Variants in FRMD4A observed in about 807,000 individuals in gnomAD.
FRMD4A encodes the protein FERM domain-containing protein 4A.
FRMD4A carries 29 observed loss-of-function variants against 129.1 expected under a neutral mutation model. The ratio of observed to expected loss-of-function variants is 0.22; its 90% CI spans 0.17 to 0.31. The LOEUF is 0.31. Ranked by LOEUF, FRMD4A falls within the 10% of genes least tolerant of loss-of-function variation. FRMD4A has a pLI of 1.00. For synonymous variants in FRMD4A, 634 were observed against 571.6 expected, an observed-to-expected ratio of 1.11 and a Z score of -1.56; for missense variants, 1,272 against 1,375.8, an observed-to-expected ratio of 0.92 and a Z score of 1.19.
intron 2 of FRMD4A, among the ~76,000 whole-genome samples, chr10:14,254,832 G>A (rs1844556033): frequency 1.3e-5 from 2 of 152,050 alleles, no homozygotes; most frequent in African/African-American, 4.8e-5. Context: ...AAGGGGAAGA[G>A]TAGATAAGGT....
chr10:13,712,536 C>T (rs950989163), intron 12 of FRMD4A, among the ~76,000 whole-genome samples: 13 of 150,900 alleles, frequency 8.6e-5, no homozygotes, highest in African/African-American at 3.2e-4. Flanking sequence ...AGAGCAACAA[C>T]AAAAAAAACA....
chr10:14,118,865 A>G (rs997479263), intron 2 of FRMD4A, among the ~76,000 whole-genome samples: 1 of 152,184 alleles, frequency 6.6e-6, no homozygotes, highest in African/African-American at 2.4e-5. Context: ...GGACCCAGCC[A>G]AACCATATCA....
At chr10:14,047,983 C>T (rs1382066859) in intron 2 of FRMD4A, among the ~76,000 whole-genome samples, 2 of 152,172 alleles carry the variant, frequency 1.3e-5, no homozygotes, top group African/African-American at 4.8e-5. Flanking sequence ...ATGTATAAGG[C>T]ATTTAGCGCA....
intron 2 of FRMD4A, among the ~76,000 whole-genome samples, chr10:13,901,229 G>A (rs1256952053): frequency 1.3e-5 from 2 of 152,172 alleles, no homozygotes; most frequent in Non-Finnish European, 2.9e-5. Context: ...GTCCCTTCTC[G>A]TGCCTAGCAC....
chr10:13,829,733 CAACCACCCTT>C (rs2093760332), intron 3 of FRMD4A, among the ~76,000 whole-genome samples: 1 of 152,224 alleles, frequency 6.6e-6, no homozygotes, highest in African/African-American at 2.4e-5. Flanking sequence ...CCTTTAGCCC[CAACCACCCTT>C]AGTAAGTGGA....
intron 5 of FRMD4A, 128 bp from the exon 6 acceptor site, chr10:13,783,134 C>T: frequency 1.6e-6 from 1 of 641,542 alleles, no homozygotes; most frequent in Non-Finnish European, 2.8e-6. Flanking sequence ...GAAAAAGGCA[C>T]CATCCATGGT....
chr10:13,984,602 C>T (rs1279610388), intron 2 of FRMD4A, among the ~76,000 whole-genome samples: 1 of 152,162 alleles, frequency 6.6e-6, no homozygotes, highest in African/African-American at 2.4e-5. Flanking sequence ...GACAATTCTT[C>T]GTAGCTCGTA....
intron 12 of FRMD4A, among the ~76,000 whole-genome samples, chr10:13,731,621 C>T (rs1315393146): frequency 6.9e-6 from 1 of 144,514 alleles, no homozygotes; most frequent in Non-Finnish European, 1.5e-5. Context: ...TGCACTCCAG[C>T]CTGGGCAACA....
intron 23 of FRMD4A, 60 bp downstream of exon 23, chr10:13,654,356 C>G (rs768552146): frequency 9.4e-7 from 1 of 1,064,970 alleles, no homozygotes. Context: ...TCACCAGGAT[C>G]TGAACGTCTA....
At chr10:13,945,957 G>A (rs1206707868) in intron 2 of FRMD4A, among the ~76,000 whole-genome samples, 1 of 152,210 alleles carries the variant, frequency 6.6e-6, no homozygotes, top group Non-Finnish European at 1.5e-5. Flanking sequence ...ATCAATCAGA[G>A]CACAGGCATT....
At chr10:14,310,074 A>G (rs771741163) in intron 2 of FRMD4A, among the ~76,000 whole-genome samples, 7 of 152,142 alleles carry the variant, frequency 4.6e-5, no homozygotes, top group African/African-American at 9.7e-5. Context: ...TTGAACCCCA[A>G]TGCATCTTCG....
intron 2 of FRMD4A, among the ~76,000 whole-genome samples, chr10:13,931,546 T>A (rs2095195058): frequency 1.3e-5 from 2 of 152,172 alleles, no homozygotes; most frequent in Admixed American, 6.5e-5. Context: ...AGGGCTAGGT[T>A]GGCTGCTACT....
intron 13 of FRMD4A, among the ~76,000 whole-genome samples, chr10:13,705,731 G>T (rs771051571): frequency 6.6e-6 from 1 of 152,082 alleles, no homozygotes; most frequent in Non-Finnish European, 1.5e-5. Flanking sequence ...GCTTCTGGCC[G>T]CGAAACCCCT....
Position 13,659,356 on chromosome 10 carries a change from C to A in FRMD4A, c.2033G>T (p.Arg678Leu). The change falls in exon 21 of 25, where the codon CGG becomes CTG. Residue 678 changes from arginine to leucine, a missense_variant. By Grantham distance (102) the Arg-to-Leu change is moderately radical (BLOSUM62 -2). Coordinates refer to ENST00000357447, the MANE Select transcript of FRMD4A (RefSeq NM_018027.5). ...ATGGACGTAGTGGGGACTCCGGACC[C>A]GCAGGTCTGGCGTGGACGGCATGCT... is the stretch of plus-strand genomic sequence containing the variant. The part of the protein sequence containing the change: ...QSSMPSTPDL[R>L]VRSPHYVHST... 6.2e-7 allele frequency: 1 copy of A among 1,614,116 alleles called. No homozygotes were observed. The highest frequency in any genetic ancestry group is 8.5e-7 in the Non-Finnish European group (1 of 1,179,934).
At chr10:13,742,263 G>A (rs1052503951) in intron 9 of FRMD4A, among the ~76,000 whole-genome samples, 20 of 152,136 alleles carry the variant, frequency 1.3e-4, no homozygotes, top group Admixed American at 8.5e-4. Flanking sequence ...AGATACGGCC[G>A]CTCCCACCCC....
At position 13,740,194 on chromosome 10, in the gene FRMD4A, C is replaced by T. The variant is rs2090905703; in HGVS notation, c.672G>A (p.Lys224=). 3 of 1,577,380 alleles carry T rather than the reference C, an allele frequency of 1.9e-6. No homozygotes were observed. The highest frequency in any genetic ancestry group is 1.7e-5 in the Admixed American group (1 of 59,894). The part of the protein sequence containing the change: ...PTYGVHYYAV[K]DKQGIPWWLG... ...ACCTTCACCAAATGAGTCTACTCAC[C>T]TTCACTGCATAATAGTGAACCCCGT... The change falls in exon 11 of 25, where the codon AAG becomes AAA. Residue 224 remains lysine (K), a splice_region_variant and synonymous_variant. Coordinates refer to ENST00000357447, the MANE Select transcript of FRMD4A (RefSeq NM_018027.5).
intron 2 of FRMD4A, among the ~76,000 whole-genome samples, chr10:13,872,267 C>T (rs1221154252): frequency 1.3e-5 from 2 of 152,294 alleles, no homozygotes; most frequent in Non-Finnish European, 2.9e-5. Context: ...GGGCAGGTGG[C>T]ATTGGGATGG....
rs993044232 is a variant in FRMD4A, at chr10:13,770,279, T to C, written c.385-7599A>G. ...AGTTTTTCAGCATCAAGTCACTTCA[T>C]GTTTGTCTAATGATCCACGAGGTGA... On this transcript the variant is annotated intron_variant, in intron 6 of 24. Transcript: ENST00000357447. 4.6e-5 allele frequency among the ~76,000 whole-genome samples: 7 copies of C among 152,298 alleles called. No homozygotes were observed. The South Asian group carries it at 1.5e-3, about 32-fold the overall frequency.
chr10:14,183,352 T>G (rs552256356), intron 2 of FRMD4A, among the ~76,000 whole-genome samples: 1 of 152,216 alleles, frequency 6.6e-6, no homozygotes, highest in Non-Finnish European at 1.5e-5. Flanking sequence ...AAAAGCTCAT[T>G]CTTCTAAGTT....
Sources: allele counts gnomAD v4.1 joint callset (sites outside exome capture counted in the v4.1 genomes callset), GRCh38; gene constraint gnomAD v4.1.1; transcripts MANE v1.5; gene names NCBI Gene and HGNC (gene_info 2026-07-23, HGNC 2026-07-21).